FGD5: variants seen among roughly 807,000 people sequenced by gnomAD.
FGD5 encodes the protein FYVE, RhoGEF and PH domain containing 5, also known as FYVE, RhoGEF and PH domain-containing protein 5.
Under a neutral mutation model 133.4 loss-of-function variants are expected in FGD5, and 28 were observed. The ratio of observed to expected loss-of-function variants is 0.21; its 90% CI spans 0.16 to 0.29. The LOEUF is 0.29. Among genes scored for constraint, FGD5 ranks in the 10% least tolerant of loss-of-function variants. The pLI is 1.00. For missense variants in FGD5, 1,858 were observed against 1,895.2 expected (o/e 0.98, Z 0.36); for synonymous variants, 810 against 776.5 (o/e 1.04, Z -0.72).
At chr3:14,908,212 T>C (rs1228710988) in intron 10 of FGD5, among the ~76,000 whole-genome samples, 1 of 152,232 alleles carries the variant, frequency 6.6e-6, no homozygotes, top group Admixed American at 6.5e-5. Flanking sequence ...GGAATGAAAG[T>C]ACATGCTCAG....
chr3:14,885,891 G>A (rs756709023), intron 4 of FGD5, among the ~76,000 whole-genome samples: 2 of 152,210 alleles, frequency 1.3e-5, no homozygotes, highest in Non-Finnish European at 2.9e-5. Context: ...CATTGAGATA[G>A]GAGAGATTGT....
chr3:14,850,002 C>T (rs971777833), intron 1 of FGD5, among the ~76,000 whole-genome samples: 4 of 152,220 alleles, frequency 2.6e-5, no homozygotes, highest in African/African-American at 7.2e-5. Context: ...CCTCTCATAG[C>T]TCCTGGCAAC....
intron 1 of FGD5, among the ~76,000 whole-genome samples, chr3:14,844,501 C>T (rs890051847): frequency 2.6e-5 from 4 of 151,358 alleles, no homozygotes; most frequent in Admixed American, 2.6e-4. Flanking sequence ...GGAGAAATAG[C>T]CTTGGGACCC....
chr3:14,848,014 G>GCCATTGT (rs1246594219), intron 1 of FGD5, among the ~76,000 whole-genome samples: 4 of 152,188 alleles, frequency 2.6e-5, no homozygotes, highest in African/African-American at 7.2e-5. Flanking sequence ...CCCCGGGCCA[G>GCCATTGT]CCATTGTTGC....
At chr3:14,869,579 T>C (rs1415536977) in intron 2 of FGD5, among the ~76,000 whole-genome samples, 1 of 152,148 alleles carries the variant, frequency 6.6e-6, no homozygotes, top group Non-Finnish European at 1.5e-5. Context: ...CTCTGCCCCC[T>C]TTAGACACTG....
At chr3:14,862,330 G>T (rs1198617573) in intron 1 of FGD5, among the ~76,000 whole-genome samples, 2 of 152,226 alleles carry the variant, frequency 1.3e-5, no homozygotes, top group African/African-American at 4.8e-5. Flanking sequence ...GCAAATTGAT[G>T]CAGGCAGCTC....
intron 1 of FGD5, among the ~76,000 whole-genome samples, chr3:14,844,266 A>G (rs1365233537): frequency 1.1e-5 from 1 of 87,340 alleles, no homozygotes; most frequent in Non-Finnish European, 2.2e-5. Context: ...ATATATATAT[A>G]TATATAATGC....
chr3:14,810,918 C>T, intron 1 of FGD5: 2 of 984,912 alleles, frequency 2.0e-6, no homozygotes, highest in Non-Finnish European at 1.2e-6. Flanking sequence ...GGGACCCCGG[C>T]CGGGCGCTCC....
intron 4 of FGD5, among the ~76,000 whole-genome samples, chr3:14,886,250 C>A (rs1178035254): frequency 2.0e-5 from 3 of 152,130 alleles, no homozygotes; most frequent in Non-Finnish European, 4.4e-5. Flanking sequence ...GGGTTAGTCC[C>A]CTGAAAGCTT....
rs751635117 is a variant in FGD5 at position 14,821,250 on chromosome 3, G to A, written c.2179G>A (p.Asp727Asn). The change falls in exon 1 of 20, where the codon GAT (aspartate) becomes AAT (asparagine). Residue 727 changes from aspartate to asparagine, a missense_variant. Asp to Asn is a conservative substitution (Grantham distance 23). Coordinates refer to ENST00000285046, the MANE Select transcript of FGD5 (RefSeq NM_152536.4). ...CCCCTCCTCCCTCATCTTTTATAGA[G>A]ATGGCAAGAGGAAAGGTGTCCCCTT... ...ESPSSLIFYR[D>N]GKRKGVPFSR... 2 of 1,613,772 alleles carry A rather than the reference G, an allele frequency of 1.2e-6. No homozygotes were observed. The highest frequency in any genetic ancestry group is 1.7e-6 in the Non-Finnish European group (2 of 1,179,886).
chr3:14,879,249 C>T (rs994805758), intron 2 of FGD5, among the ~76,000 whole-genome samples: 4 of 152,246 alleles, frequency 2.6e-5, no homozygotes, highest in Non-Finnish European at 4.4e-5. Context: ...GTGCCCTCTG[C>T]TCTGCCATGG....
chr3:14,819,554 C>A lies in FGD5; in HGVS notation c.483C>A (p.Ser161=). The A allele has an allele frequency of 6.4e-7, 1 of 1,551,170 alleles. No homozygotes were observed. Among genetic ancestry groups the A allele is most frequent in the South Asian group, 1.2e-5 (1 of 84,028 alleles). ...AGCCAGGGACACTGGAGCAGGTGTC[C>A]AGAAGTGAGGAGGAAGAGAAGCTAG... ...ADEPGTLEQV[S]RSEEEEKLVQ... The change falls in exon 1 of 20, where the codon TCC becomes TCA. Residue 161 remains serine, a synonymous_variant. Coordinates refer to ENST00000285046, the MANE Select transcript of FGD5 (RefSeq NM_152536.4). The surrounding 1 kb of genome is among the most constrained non-coding windows in gnomAD (Gnocchi z 4.1).
chr3:14,927,628 G>A (rs1042712185), intron 18 of FGD5, among the ~76,000 whole-genome samples: 3 of 152,172 alleles, frequency 2.0e-5, no homozygotes, highest in Non-Finnish European at 4.4e-5. Flanking sequence ...TGGATAGCTG[G>A]TTTGCACTGT....
intron 1 of FGD5, among the ~76,000 whole-genome samples, chr3:14,833,195 A>G (rs1025694501): frequency 2.6e-5 from 4 of 152,046 alleles, no homozygotes; most frequent in African/African-American, 9.7e-5. Context: ...GAGAGGCCTG[A>G]TCTTTGGCTG....
intron 2 of FGD5, among the ~76,000 whole-genome samples, chr3:14,871,092 A>G (rs9819609): frequency 0.011 from 1,657 of 152,212 alleles, 30 homozygotes; most frequent in African/African-American, 0.037. Context: ...ACAGGTCTCA[A>G]TTTGAATGTC....
At chr3:14,883,107 A>T (rs116555012) in intron 4 of FGD5, among the ~76,000 whole-genome samples, 1,910 of 152,270 alleles carry the variant, frequency 0.013, 18 homozygotes, top group Middle Eastern at 0.027. Context: ...TGCTTGTCAC[A>T]TGGTAGTTAT....
intron 2 of FGD5, among the ~76,000 whole-genome samples, chr3:14,868,443 T>G (rs2037540159): frequency 6.6e-6 from 1 of 152,238 alleles, no homozygotes; most frequent in South Asian, 2.1e-4. Context: ...CCCTGGTCCT[T>G]GCACCTGTAG....
intron 1 of FGD5, among the ~76,000 whole-genome samples, chr3:14,853,481 G>A (rs2037206827): frequency 6.7e-6 from 1 of 149,620 alleles, no homozygotes; most frequent in Admixed American, 6.7e-5. Context: ...CTCCCTGCTG[G>A]GCTGGTGAGC....
intron 2 of FGD5, among the ~76,000 whole-genome samples, 175 bp downstream of exon 2, chr3:14,864,435 G>A (rs1353689536): frequency 6.6e-6 from 1 of 152,240 alleles, no homozygotes; most frequent in African/African-American, 2.4e-5. Context: ...TCGCCTTCTG[G>A]GGACTGGCCT....
Sources: gnomAD v4.1 joint callset for allele counts (sites outside exome capture counted in the v4.1 genomes callset) on GRCh38, gnomAD v4.1.1 for gene constraint, Gnocchi (gnomAD v3.1) non-coding constraint, MANE v1.5 for transcripts, NCBI Gene and HGNC (gene_info 2026-07-23, HGNC 2026-07-21) for gene names.